The following HDAC1 variants were observed in gnomAD, a reference collection of about 807,000 sequenced individuals.
HDAC1 encodes protein deacetylase HDAC1.
In HDAC1, 18 loss-of-function variants were observed where a neutral mutation model predicts 65.5. The ratio of observed to expected loss-of-function variants is 0.27; its 90% CI spans 0.19 to 0.41. The LOEUF (loss-of-function observed/expected upper bound fraction) is 0.41. HDAC1 is among the 10% of genes least tolerant of loss of function. The pLI, the probability that HDAC1 is intolerant of heterozygous loss-of-function variation, is 1.00. For synonymous variants in HDAC1, 211 were observed against 227.9 expected (o/e 0.93, Z 0.67); for missense variants, 373 against 625.2 (o/e 0.60, Z 4.30).
chr1:32,308,856 A>G (rs1399561715), intron 2 of HDAC1, among the ~76,000 whole-genome samples: 2 of 152,150 alleles, frequency 1.3e-5, no homozygotes, highest in Non-Finnish European at 2.9e-5. Flanking sequence ...TCTGTCATCC[A>G]GGCTGGAGTG....
rs530977896 is a variant in HDAC1, at chr1:32,330,707, G to A, written c.838+21G>A. On this transcript the variant is annotated intron_variant, in intron 8 of 13. Coordinates refer to ENST00000373548, the MANE Select transcript of HDAC1 (RefSeq NM_004964.3). This position sits in a 1 kb window ranked among gnomAD's most constrained non-coding sequence, Gnocchi z 4.2. ...CAAAGGTGAGACCAGGTAGCACAAG[G>A]ATGGGTGGGCGGGGTCCTGCTTGGT... 1.6e-4 allele frequency: 254 copies of A among 1,613,890 alleles called. 3 individuals are homozygous for A. The South Asian group carries it at 2.7e-3, about 17-fold the overall frequency.
In HDAC1 at chr1:32,333,321, A is replaced by C; in HGVS notation, c.*277A>C. 7.2e-6 allele frequency: 2 copies of C among 279,260 alleles called. No homozygotes were observed. Among genetic ancestry groups the C allele is most frequent in the African/African-American group, 4.4e-5 (2 of 45,076 alleles). 17.3% of individuals were successfully genotyped at this position (279,260 alleles called of 1,614,324 possible). A position where few individuals can be genotyped will look rare whatever the true frequency, so the allele number is the denominator to read the frequency against. On this transcript the variant is annotated 3_prime_UTR_variant, in exon 14 of 14. Transcript: ENST00000373548. ...ATACTTTTATGCAACCATAAGACAA[A>C]CTCCTGAAATGCCAAGTGCCTGCTT... is the stretch of plus-strand genomic sequence containing the variant.
At chr1:32,323,978 G>A (rs144315971) in intron 3 of HDAC1, among the ~76,000 whole-genome samples, 142 of 152,156 alleles carry the variant, frequency 9.3e-4, no homozygotes, top group Non-Finnish European at 1.5e-3. Context: ...TGGGTGAGGT[G>A]GGATATCAGT....
At chr1:32,324,786 T>C (rs1038368224) in intron 4 of HDAC1, among the ~76,000 whole-genome samples, 1 of 152,072 alleles carries the variant, frequency 6.6e-6, no homozygotes, top group African/African-American at 2.4e-5. Context: ...CCAGGCAACA[T>C]AGACCCTCCT....
At chr1:32,308,583 A>G (rs1640943488) in intron 2 of HDAC1, among the ~76,000 whole-genome samples, 1 of 152,022 alleles carries the variant, frequency 6.6e-6, no homozygotes, top group African/African-American at 2.4e-5. Flanking sequence ...CAGTGGCGCA[A>G]TCTCGGCCCA....
In HDAC1 at chr1:32,327,800, A is replaced by G. The variant is rs759973742; in HGVS notation, c.636+123A>G. The G allele has an allele frequency of 2.6e-6, 2 of 782,228 alleles. No individual in the cohort carries two copies. The highest frequency in any genetic ancestry group is 1.7e-5 in the African/African-American group (1 of 58,698). 48.5% of individuals were successfully genotyped at this position (782,228 alleles called of 1,614,324 possible). On this transcript the variant is annotated intron_variant, in intron 6 of 13. Transcript: ENST00000373548. This position sits in a 1 kb window ranked among gnomAD's most constrained non-coding sequence, Gnocchi z 6.0. ...CTGCCAATCAGAATACCACATCCCA[A>G]TCTGAAGCACTTGCCCTGATCTCTT...
At chr1:32,316,478 T>G (rs1641066023) in intron 2 of HDAC1, among the ~76,000 whole-genome samples, 187 bp from the exon 3 acceptor site, 2 of 152,196 alleles carry the variant, frequency 1.3e-5, no homozygotes, top group Non-Finnish European at 2.9e-5. Flanking sequence ...ATACTCTGTC[T>G]CCTTTGATAA....
intron 2 of HDAC1, among the ~76,000 whole-genome samples, chr1:32,304,885 A>C (rs909811513): frequency 2.6e-5 from 4 of 151,972 alleles, no homozygotes; most frequent in African/African-American, 9.7e-5. Flanking sequence ...ATTCAGAAAA[A>C]TTTTTTTGTA....
chr1:32,325,805 C>T (rs138677726), intron 4 of HDAC1, among the ~76,000 whole-genome samples: 5,658 of 152,178 alleles, frequency 0.037, 345 homozygotes, highest in African/African-American at 0.13. Context: ...GAGGGTGGAT[C>T]ACCTGAGGTC....
chr1:32,331,653 C>T lies in HDAC1; in HGVS notation c.1089-23C>T, dbSNP rs761628627. On this transcript the variant is annotated intron_variant, in intron 10 of 13. Transcript: ENST00000373548. This position sits in a 1 kb window ranked among gnomAD's most constrained non-coding sequence, Gnocchi z 4.2. ...TGGTTTGTCCCTGACCAGAGCCCTGCTACTCTCTCCCATTGGCCACAGACA... is the reference window on the plus strand; with the variant it reads ...TGGTTTGTCCCTGACCAGAGCCCTGTTACTCTCTCCCATTGGCCACAGACA... 6.2e-7 allele frequency: 1 copy of T among 1,613,228 alleles called. No individual in the cohort carries two copies. Among genetic ancestry groups the T allele is most frequent in the South Asian group, 1.1e-5 (1 of 91,006 alleles).
rs1641233409 is a variant in HDAC1 at position 32,327,355 on chromosome 1, G to A, written c.495-181G>A. On this transcript the variant is annotated intron_variant, in intron 5 of 13. Coordinates refer to ENST00000373548, the MANE Select transcript of HDAC1 (RefSeq NM_004964.3). The surrounding 1 kb of genome is among the most constrained non-coding windows in gnomAD (Gnocchi z 6.0). ...TAGAGTAGGAAGATCGGACTTGGTC[G>A]GCTTGGTCAGGCCTCTGGAGACACC... is the stretch of plus-strand genomic sequence containing the variant. The A allele has an allele frequency of 6.3e-6, 4 of 636,944 alleles. No homozygotes were observed. Among genetic ancestry groups the A allele is most frequent in the South Asian group, 3.8e-5 (2 of 53,332 alleles). The allele number at this position is 636,944 out of a possible 1,614,324, so 39.5% of individuals were successfully genotyped here.
In HDAC1 at chr1:32,330,703, C is replaced by G; in HGVS notation, c.838+17C>G. The stretch of plus-strand genomic sequence containing the variant: ...CTATCAAAGGTGAGACCAGGTAGCA[C>G]AAGGATGGGTGGGCGGGGTCCTGCT... On this transcript the variant is annotated intron_variant, in intron 8 of 13. Coordinates refer to ENST00000373548, the MANE Select transcript of HDAC1 (RefSeq NM_004964.3). This position sits in a 1 kb window ranked among gnomAD's most constrained non-coding sequence, Gnocchi z 4.2. The G allele has an allele frequency of 6.2e-7, 1 of 1,613,620 alleles. No individual in the cohort carries two copies.
At position 32,327,052 on chromosome 1, in the gene HDAC1, G is replaced by A. The variant is rs146265462; in HGVS notation, c.469G>A (p.Val157Ile). 1.2e-6 allele frequency: 2 copies of A among 1,614,124 alleles called. No homozygotes were observed. Among genetic ancestry groups the A allele is most frequent in the Admixed American group, 1.7e-5 (1 of 60,026 alleles). ...TGGCTTCTGTTACGTCAATGATATC[G>A]TCTTGGCCATCCTGGAACTGCTAAA... is the stretch of plus-strand genomic sequence containing the variant. ...ASGFCYVNDI[V>I]LAILELLKYH... The change falls in exon 5 of 14, where the codon GTC (valine) becomes ATC (isoleucine). Residue 157 changes from valine (V) to isoleucine (I), a missense_variant. Val to Ile is a conservative substitution (Grantham distance 29, BLOSUM62 3). Transcript: ENST00000373548. This position sits in a 1 kb window ranked among gnomAD's most constrained non-coding sequence, Gnocchi z 6.0.
chr1:32,311,031 A>G (rs1182167198), intron 2 of HDAC1, among the ~76,000 whole-genome samples: 2 of 152,192 alleles, frequency 1.3e-5, no homozygotes, highest in Non-Finnish European at 2.9e-5. Context: ...GGAGGCTAGT[A>G]TACCAGTTAG....
intron 2 of HDAC1, among the ~76,000 whole-genome samples, chr1:32,308,364 G>C (rs1312636280): frequency 6.6e-6 from 1 of 152,170 alleles, no homozygotes; most frequent in Non-Finnish European, 1.5e-5. Context: ...CATTGAATGA[G>C]AGCAGTACTT....
intron 1 of HDAC1, among the ~76,000 whole-genome samples, chr1:32,295,747 C>T (rs2124394834): frequency 6.6e-6 from 1 of 152,144 alleles, no homozygotes; most frequent in African/African-American, 2.4e-5. Flanking sequence ...TAACAATCAG[C>T]ATATGGATAG....
chr1:32,328,618 G>T (rs372124726), intron 6 of HDAC1, among the ~76,000 whole-genome samples: 14 of 152,160 alleles, frequency 9.2e-5, no homozygotes, highest in Non-Finnish European at 2.1e-4. Context: ...CTATTTTGAG[G>T]TTACTGGGAA....
intron 13 of HDAC1, 125 bp downstream of exon 13, chr1:32,332,874 T>A (rs975666684): frequency 8.7e-7 from 1 of 1,147,530 alleles, no homozygotes; most frequent in African/African-American, 1.5e-5. Context: ...CAGGGACCAG[T>A]CTGTCCAGCT....
chr1:32,332,323 T>A, intron 12 of HDAC1, 81 bp downstream of exon 12: 1 of 1,339,906 alleles, frequency 7.5e-7, no homozygotes, highest in Non-Finnish European at 1.0e-6. Flanking sequence ...AGGGAGTGAC[T>A]CAGGCCCTGC....
Sources: allele counts gnomAD v4.1 joint callset (sites outside exome capture counted in the v4.1 genomes callset), GRCh38; gene constraint gnomAD v4.1.1; non-coding constraint Gnocchi (gnomAD v3.1); transcripts MANE v1.5; gene names NCBI Gene and HGNC (gene_info 2026-07-23, HGNC 2026-07-21).